LRRK1: variants seen among roughly 807,000 people sequenced by gnomAD.
LRRK1 encodes the protein leucine-rich repeat serine/threonine-protein kinase 1.
LRRK1 carries 113 observed loss-of-function variants against 209.1 expected under a neutral mutation model. The observed-to-expected ratio is 0.54, with a 90% CI of 0.46 to 0.63. The LOEUF is 0.63. LRRK1 is among the 30% of genes least tolerant of loss of function. The pLI is 0.00. For missense variants in LRRK1, 2,284 were observed against 2,632.2 expected (o/e 0.87, Z 2.89); for synonymous variants, 1,144 against 1,099.7 (o/e 1.04, Z -0.80).
chr15:101,009,288 C>T (rs2033127035), intron 7 of LRRK1, among the ~76,000 whole-genome samples: 1 of 152,224 alleles, frequency 6.6e-6, no homozygotes, highest in African/African-American at 2.4e-5. Flanking sequence ...CACCCGGGGA[C>T]ATGCGAATGC....
In LRRK1 at chr15:101,068,733, A is replaced by G; in HGVS notation, c.5933A>G (p.Asn1978Ser). Residue 1978 changes from asparagine to serine, a missense_variant, in exon 34 of 34, where the codon AAC (asparagine) becomes AGC (serine). Transcript: ENST00000388948. The stretch of plus-strand genomic sequence containing the variant: ...GTTGTGTGCACCTTTGAAAATGAAA[A>G]CACAGAGTGGTGCCTGGCCGTCTGG... ...DTVVCTFENENTEWCLAVWRG... is the reference protein window; with the variant it reads ...DTVVCTFENESTEWCLAVWRG... 1 of 1,613,788 alleles carries G rather than the reference A, an allele frequency of 6.2e-7. No homozygotes were observed. Among genetic ancestry groups the G allele is most frequent in the South Asian group, 1.1e-5 (1 of 91,056 alleles).
chr15:100,964,695 AT>A (rs2030337764), intron 2 of LRRK1, among the ~76,000 whole-genome samples: 1 of 152,204 alleles, frequency 6.6e-6, no homozygotes. Flanking sequence ...CTTTTCTAAG[AT>A]TTACAGAGGA....
In LRRK1 at chr15:100,919,691, G is replaced by A. The variant is rs1331233164; in HGVS notation, c.-123+240G>A. On this transcript the variant is annotated intron_variant, in intron 1 of 33. Coordinates refer to ENST00000388948, the MANE Select transcript of LRRK1 (RefSeq NM_024652.6). The surrounding 1 kb of genome is among the most constrained non-coding windows in gnomAD (Gnocchi z 5.8). ...TCTCACGTCCCCGCTGCCTCCCGCC[G>A]CGCCCGGAGCCCAGCCAGCCTGTGG... Among the ~76,000 whole-genome samples the A allele has an allele frequency of 1.3e-5, 2 of 151,806 alleles. No individual in the cohort carries two copies. The highest frequency in any genetic ancestry group is 2.9e-5 in the Non-Finnish European group (2 of 67,878).
intron 2 of LRRK1, among the ~76,000 whole-genome samples, chr15:100,971,965 G>T (rs1212847883): frequency 1.0e-5 from 1 of 95,732 alleles, no homozygotes; most frequent in African/African-American, 3.8e-5. Context: ...AATGACAAAA[G>T]AATTTTTTTT....
At chr15:100,930,737 G>A (rs2042196694) in intron 2 of LRRK1, among the ~76,000 whole-genome samples, 1 of 152,214 alleles carries the variant, frequency 6.6e-6, no homozygotes, top group African/African-American at 2.4e-5. Flanking sequence ...GTCCATGTGG[G>A]CCTCCCCAGG....
At chr15:100,981,584 C>A (rs12591383) in intron 3 of LRRK1, among the ~76,000 whole-genome samples, 65,788 of 152,010 alleles carry the variant, frequency 0.43, 14,681 homozygotes, top group African/African-American at 0.54. Flanking sequence ...TCCAGGAAGT[C>A]TTGGATGCAA....
intron 20 of LRRK1, among the ~76,000 whole-genome samples, chr15:101,041,800 T>C (rs558711577): frequency 6.6e-6 from 1 of 152,326 alleles, no homozygotes; most frequent in East Asian, 1.9e-4. Flanking sequence ...CCTTTTCCTT[T>C]ATCTACATAC....
intron 6 of LRRK1, among the ~76,000 whole-genome samples, chr15:101,000,021 C>T (rs897072878): frequency 6.6e-6 from 1 of 152,202 alleles, no homozygotes; most frequent in South Asian, 2.1e-4. Context: ...CTGATATTTA[C>T]AATATTTTTT....
chr15:100,939,372 C>T (rs562366084), intron 2 of LRRK1, among the ~76,000 whole-genome samples: 26 of 152,260 alleles, frequency 1.7e-4, no homozygotes, highest in African/African-American at 6.0e-4. Context: ...TATGTGTGGC[C>T]TGACATGTTC....
intron 6 of LRRK1, among the ~76,000 whole-genome samples, chr15:101,002,328 C>A (rs1476286582): frequency 6.6e-6 from 1 of 152,206 alleles, no homozygotes; most frequent in African/African-American, 2.4e-5. Context: ...TACACCTAAT[C>A]CTTCTTGAAA....
At position 101,057,860 on chromosome 15, in the gene LRRK1, T is replaced by C. The variant is rs2035901369; in HGVS notation, c.4528-130T>C. On this transcript the variant is annotated intron_variant, in intron 28 of 33. Coordinates refer to ENST00000388948, the MANE Select transcript of LRRK1 (RefSeq NM_024652.6). ...CGTCTGAAGCTGTTTCAGCCTCTTGTTTGGATCTAGTCTGAATGAACAGAA... is the reference window on the plus strand; with the variant it reads ...CGTCTGAAGCTGTTTCAGCCTCTTGCTTGGATCTAGTCTGAATGAACAGAA... 8 of 1,024,328 alleles carry C rather than the reference T, an allele frequency of 7.8e-6. No homozygotes were observed. In the South Asian group the frequency reaches 1.1e-4, roughly 14 times the overall value. 63.5% of individuals were successfully genotyped at this position (1,024,328 alleles called of 1,614,324 possible).
chr15:101,070,263 G>A lies in LRRK1; in HGVS notation c.*1415G>A, dbSNP rs560396160. On this transcript the variant is annotated 3_prime_UTR_variant, in exon 34 of 34. Transcript: ENST00000388948. ...CTGAGCAGCTTCCATGGGTGGAGACGCTGCTCTGTCAGTCACAGGCTTGGA... is the reference window on the plus strand; with the variant it reads ...CTGAGCAGCTTCCATGGGTGGAGACACTGCTCTGTCAGTCACAGGCTTGGA... 89 of 150,062 alleles carry A rather than the reference G, an allele frequency of 5.9e-4. 1 individual carries two copies. The highest frequency in any genetic ancestry group is 2.1e-3 in the African/African-American group (84 of 40,590). 9.3% of individuals were successfully genotyped at this position (150,062 alleles called of 1,614,324 possible).
chr15:101,054,851 G>T, intron 26 of LRRK1, 95 bp from the exon 27 acceptor site: 1 of 1,073,764 alleles, frequency 9.3e-7, no homozygotes, highest in Non-Finnish European at 1.4e-6. Flanking sequence ...AGTATCTAGG[G>T]AGATCGGAAG....
Position 101,029,140 on chromosome 15 carries a change from G to C in LRRK1, c.2871G>C (p.Leu957=). ...GVIRAEDLRM[L]LVGTGFTQQT... is the part of the protein sequence containing the mutation. ...TCAGAGCAGAAGACCTCAGGATGCT[G>C]CTGGTGGGGACTGGCTTCACGCAGC... Residue 957 remains leucine (L), a synonymous_variant, in exon 20 of 34, where the codon CTG becomes CTC. Transcript: ENST00000388948. The C allele has an allele frequency of 2.5e-6, 4 of 1,614,210 alleles. No individual in the cohort carries two copies. The highest frequency in any genetic ancestry group is 3.4e-6 in the Non-Finnish European group (4 of 1,180,040).
chr15:101,074,853 G>C lies in LRRK1; in HGVS notation c.*6005G>C, dbSNP rs1567301669. On this transcript the variant is annotated 3_prime_UTR_variant, in exon 34 of 34. Transcript: ENST00000388948. Reference sequence around the variant, plus strand: ...GCCACCAGGCCAAGGAATGCCTGCAGCCCAGGATTCCTCCTAAGCCGTGTC... The same window carrying C: ...GCCACCAGGCCAAGGAATGCCTGCACCCCAGGATTCCTCCTAAGCCGTGTC... 1.3e-5 allele frequency: 2 copies of C among 151,992 alleles called. 1 individual carries two copies. Among genetic ancestry groups the C allele is most frequent in the South Asian group, 4.1e-4 (2 of 4,830 alleles). The allele number at this position is 151,992 out of a possible 1,614,324, so 9.4% of individuals were successfully genotyped here.
intron 6 of LRRK1, among the ~76,000 whole-genome samples, chr15:100,991,798 T>A (rs938151565): frequency 6.6e-6 from 1 of 152,216 alleles, no homozygotes; most frequent in Non-Finnish European, 1.5e-5. Flanking sequence ...TGATTTTAAA[T>A]GTCTTGGTGT....
chr15:101,066,808 G>A, intron 33 of LRRK1, 67 bp downstream of exon 33: 1 of 1,267,902 alleles, frequency 7.9e-7, no homozygotes, highest in Non-Finnish European at 1.1e-6. Context: ...CCTGCAGCCA[G>A]GTCCTGCACA....
At position 101,074,224 on chromosome 15, in the gene LRRK1, G is replaced by C. The variant is rs150531857; in HGVS notation, c.*5376G>C. The C allele has an allele frequency of 6.6e-6, 1 of 151,738 alleles. No individual in the cohort carries two copies. Among genetic ancestry groups the C allele is most frequent in the Admixed American group, 6.6e-5 (1 of 15,248 alleles). The allele number at this position is 151,738 out of a possible 1,614,324, so 9.4% of individuals were successfully genotyped here. A position where few individuals can be genotyped will look rare whatever the true frequency, so the allele number is the denominator to read the frequency against. ...TCCCCTCCTCCCCAGGCTGCTCCTT[G>C]CCAGGCCGAGCTAGGTCCCAATTCT... On this transcript the variant is annotated 3_prime_UTR_variant, in exon 34 of 34. Transcript: ENST00000388948.
At chr15:101,020,392 T>G (rs1466917384) in intron 12 of LRRK1, among the ~76,000 whole-genome samples, 1 of 128,928 alleles carries the variant, frequency 7.8e-6, no homozygotes, top group Non-Finnish European at 1.6e-5. Flanking sequence ...TTTTTTTTTT[T>G]GAGATGGAGT....
Sources: gnomAD v4.1 joint callset for allele counts (sites outside exome capture counted in the v4.1 genomes callset) on GRCh38, gnomAD v4.1.1 for gene constraint, Gnocchi (gnomAD v3.1) non-coding constraint, MANE v1.5 for transcripts, NCBI Gene and HGNC (gene_info 2026-07-23, HGNC 2026-07-21) for gene names.